The following RAB27B variants were observed in gnomAD, a reference collection of about 807,000 sequenced individuals.
RAB27B encodes ras-related protein Rab-27B.
Under a neutral mutation model 24.6 loss-of-function variants are expected in RAB27B, and 15 were observed. The ratio of observed to expected loss-of-function variants is 0.61; its 90% CI spans 0.41 to 0.94. RAB27B has a LOEUF of 0.94. RAB27B is among the 40% of genes least tolerant of loss of function. The probability of loss-of-function intolerance (pLI) is 0.00; values close to 1 mark genes in which losing one functional copy is unlikely to be tolerated. For synonymous variants in RAB27B, 105 were observed against 92.5 expected, an observed-to-expected ratio of 1.14 and a Z score of -0.78; for missense variants, 261 against 266.8, an observed-to-expected ratio of 0.98 and a Z score of 0.15.
At chr18:54,874,134 T>C (rs998699812) in intron 1 of RAB27B, among the ~76,000 whole-genome samples, 3 of 152,190 alleles carry the variant, frequency 2.0e-5, no homozygotes, top group Non-Finnish European at 2.9e-5. Flanking sequence ...TGATAGGTCG[T>C]GTAGTTAGCA....
At chr18:54,838,158 T>C (rs1470234147) in intron 1 of RAB27B, among the ~76,000 whole-genome samples, 8 of 152,308 alleles carry the variant, frequency 5.3e-5, no homozygotes, top group Admixed American at 2.0e-4. Flanking sequence ...ATAACACTTT[T>C]ATCCTCAAGA....
At chr18:54,889,118 C>T (rs911507314) in intron 5 of RAB27B, 106 bp from the exon 6 acceptor site, 4 of 1,087,888 alleles carry the variant, frequency 3.7e-6, no homozygotes, top group Non-Finnish European at 5.0e-6. Flanking sequence ...AATCATTTCA[C>T]AATCTCTCAG....
intron 2 of RAB27B, among the ~76,000 whole-genome samples, chr18:54,757,229 A>C (rs1040740276): frequency 6.6e-6 from 1 of 152,182 alleles, no homozygotes; most frequent in African/African-American, 2.4e-5. Context: ...AGTCAGACAG[A>C]ATAGGGGACC....
intron 2 of RAB27B, among the ~76,000 whole-genome samples, chr18:54,723,985 G>A (rs376233577): frequency 2.6e-5 from 4 of 152,180 alleles, no homozygotes; most frequent in African/African-American, 7.2e-5. Context: ...GTTGGATGGC[G>A]CCAGAACCAT....
chr18:54,806,671 CAGGATGTT>C (rs1909800274), intron 2 of RAB27B, among the ~76,000 whole-genome samples: 1 of 150,934 alleles, frequency 6.6e-6, no homozygotes, highest in Non-Finnish European at 1.5e-5. Flanking sequence ...GATTGGCTTT[CAGGATGTT>C]ATGTTAGTTA....
chr18:54,849,166 T>C (rs537205113), intron 1 of RAB27B, among the ~76,000 whole-genome samples: 1 of 152,254 alleles, frequency 6.6e-6, no homozygotes, highest in South Asian at 2.1e-4. Flanking sequence ...TGAACCTCCA[T>C]GGGCCCAGCC....
intron 2 of RAB27B, among the ~76,000 whole-genome samples, chr18:54,733,920 G>A (rs1909809690): frequency 6.6e-6 from 1 of 152,088 alleles, no homozygotes; most frequent in Non-Finnish European, 1.5e-5. Context: ...TATTACCTTG[G>A]AAAGTAAGAA....
intron 2 of RAB27B, among the ~76,000 whole-genome samples, chr18:54,730,176 T>G (rs576846533): frequency 4.3e-4 from 66 of 152,302 alleles, no homozygotes; most frequent in South Asian, 6.2e-4. Context: ...TTTTATGACG[T>G]TTTAGTCTGT....
intron 1 of RAB27B, among the ~76,000 whole-genome samples, chr18:54,833,700 A>G (rs982300916): frequency 1.3e-5 from 2 of 152,238 alleles, no homozygotes; most frequent in African/African-American, 4.8e-5. Flanking sequence ...CTGTGAGGAA[A>G]GGGCATTTCA....
chr18:54,733,157 T>C (rs558490858), intron 2 of RAB27B, among the ~76,000 whole-genome samples: 60 of 152,130 alleles, frequency 3.9e-4, no homozygotes, highest in Admixed American at 8.5e-4. Flanking sequence ...GCAATCCTTC[T>C]GCCTCAGCTT....
intron 2 of RAB27B, among the ~76,000 whole-genome samples, chr18:54,778,927 A>G (rs1043208316): frequency 6.7e-6 from 1 of 150,026 alleles, no homozygotes; most frequent in Admixed American, 6.7e-5. Context: ...TGCAATTTGC[A>G]CCCCCAGGTT....
At chr18:54,771,586 AGTTTAGTGTGTGTGTGT>A (rs1486609800) in intron 2 of RAB27B, among the ~76,000 whole-genome samples, 3 of 141,490 alleles carry the variant, frequency 2.1e-5, no homozygotes, top group Non-Finnish European at 4.6e-5. Flanking sequence ...TAGAGCTGAT[AGTTTAGTGTGTGTGTGT>A]GTGTGTGTGT....
At chr18:54,739,513 G>T (rs1344730070) in intron 2 of RAB27B, among the ~76,000 whole-genome samples, 1 of 147,534 alleles carries the variant, frequency 6.8e-6, no homozygotes, top group Non-Finnish European at 1.5e-5. Flanking sequence ...CCATTCTCCT[G>T]TTGATGTACC....
intron 2 of RAB27B, among the ~76,000 whole-genome samples, chr18:54,758,997 T>A (rs1908097393): frequency 6.6e-6 from 1 of 152,222 alleles, no homozygotes; most frequent in African/African-American, 2.4e-5. Context: ...TATTATTATA[T>A]TCTTACAAGA....
chr18:54,841,150 G>T (rs1911092511), intron 1 of RAB27B, among the ~76,000 whole-genome samples: 1 of 111,306 alleles, frequency 9.0e-6, no homozygotes, highest in Non-Finnish European at 2.0e-5. Context: ...CTGTCTTTGG[G>T]TGGCGGGGCG....
chr18:54,758,610 C>T (rs567072956), intron 2 of RAB27B, among the ~76,000 whole-genome samples: 1 of 147,204 alleles, frequency 6.8e-6, no homozygotes, highest in South Asian at 2.2e-4. Context: ...TCTCTCTCTC[C>T]AGCTTGCAAG....
intron 2 of RAB27B, among the ~76,000 whole-genome samples, chr18:54,718,825 T>C (rs983274677): frequency 7.9e-5 from 12 of 152,194 alleles, no homozygotes; most frequent in Admixed American, 7.9e-4. Flanking sequence ...TTTTTGAGTA[T>C]TTTACAAATC....
At chr18:54,784,183 A>C (rs1909007504) in intron 2 of RAB27B, among the ~76,000 whole-genome samples, 1 of 152,212 alleles carries the variant, frequency 6.6e-6, no homozygotes. Context: ...TGAAGGAGAG[A>C]GGCTGCTTCC....
chr18:54,792,588 T>G (rs1365011874), intron 2 of RAB27B, among the ~76,000 whole-genome samples: 1 of 152,218 alleles, frequency 6.6e-6, no homozygotes, highest in East Asian at 1.9e-4. Context: ...ATAAATTGAA[T>G]AGACCCTGGT....
Sources: gnomAD v4.1 joint callset for allele counts (sites outside exome capture counted in the v4.1 genomes callset) on GRCh38, gnomAD v4.1.1 for gene constraint, MANE v1.5 for transcripts, NCBI Gene and HGNC (gene_info 2026-07-23, HGNC 2026-07-21) for gene names.